Variants in MDGA2 observed in about 807,000 individuals in gnomAD.
The protein encoded by MDGA2 is MAM domain-containing glycosylphosphatidylinositol anchor protein 2.
A neutral mutation model predicts 117.8 loss-of-function variants in MDGA2; 40 were observed. That is an observed-to-expected ratio of 0.34 (90% CI 0.26 to 0.44). The LOEUF is 0.44. Ranked by LOEUF, MDGA2 falls within the 20% of genes least tolerant of loss-of-function variation. MDGA2 has a pLI of 1.00. For missense variants in MDGA2, 1,123 were observed against 1,250.6 expected (o/e 0.90, Z 1.54); for synonymous variants, 452 against 439.0 (o/e 1.03, Z -0.37).
chr14:47,187,513 A>G (rs983291059), intron 3 of MDGA2, among the ~76,000 whole-genome samples: 11 of 152,068 alleles, frequency 7.2e-5, no homozygotes, highest in African/African-American at 2.7e-4. Flanking sequence ...ATTTTCTTCA[A>G]TTTAATGCTT....
intron 14 of MDGA2, among the ~76,000 whole-genome samples, chr14:46,867,728 A>T (rs898126445): frequency 6.6e-6 from 1 of 152,014 alleles, no homozygotes; most frequent in African/African-American, 2.4e-5. Context: ...AACAAGTTTT[A>T]TATCTTTATC....
At chr14:47,243,231 T>C (rs1402166294) in intron 2 of MDGA2, among the ~76,000 whole-genome samples, 1 of 151,532 alleles carries the variant, frequency 6.6e-6, no homozygotes, top group African/African-American at 2.4e-5. Flanking sequence ...AAACTCTATC[T>C]AACTAATCTG....
At chr14:47,193,820 T>C (rs1178208888) in intron 3 of MDGA2, among the ~76,000 whole-genome samples, 2 of 152,178 alleles carry the variant, frequency 1.3e-5, no homozygotes, top group African/African-American at 2.4e-5. Context: ...CATTTGTCAC[T>C]TGTCATTTAT....
intron 1 of MDGA2, among the ~76,000 whole-genome samples, chr14:47,355,723 G>A (rs578129196): frequency 1.3e-5 from 2 of 152,186 alleles, no homozygotes; most frequent in South Asian, 2.1e-4. Flanking sequence ...CCAACCACCT[G>A]GGCCTTCCCC....
chr14:47,425,113 A>C (rs537727775), intron 1 of MDGA2, among the ~76,000 whole-genome samples: 2 of 152,308 alleles, frequency 1.3e-5, no homozygotes, highest in South Asian at 4.1e-4. Context: ...AATTTAGCTT[A>C]TCTGATAAGT....
Position 47,361,618 on chromosome 14 carries a change from T to C in MDGA2, c.281-60068A>G, listed in dbSNP as rs112168566. On this transcript the variant is annotated intron_variant, in intron 1 of 16. Coordinates refer to ENST00000399232, the MANE Select transcript of MDGA2 (RefSeq NM_001113498.3). The stretch of plus-strand genomic sequence containing the variant: ...CCCCTATGCCTTCAGATTTAAAGCA[T>C]GATTATTATCCAGTGCCTTCTAATG... 8.5e-4 allele frequency among the ~76,000 whole-genome samples: 129 copies of C among 152,246 alleles called. 1 individual carries two copies. Among genetic ancestry groups the C allele is most frequent in the African/African-American group, 2.6e-3 (107 of 41,518 alleles).
chr14:47,312,287 T>G (rs1009328853), intron 1 of MDGA2, among the ~76,000 whole-genome samples: 3 of 152,096 alleles, frequency 2.0e-5, no homozygotes, highest in Non-Finnish European at 2.9e-5. Flanking sequence ...CCAGGAACCT[T>G]CTTATATCTG....
At chr14:47,674,407 A>C (rs112056703) in intron 1 of MDGA2, 110 bp downstream of exon 1, 5 of 903,150 alleles carry the variant, frequency 5.5e-6, no homozygotes, top group African/African-American at 1.7e-5. Context: ...AGTGTAAATC[A>C]AATGCCACGC....
intron 1 of MDGA2, among the ~76,000 whole-genome samples, chr14:47,464,120 C>T (rs1023271217): frequency 3.3e-5 from 5 of 150,610 alleles, no homozygotes; most frequent in African/African-American, 1.2e-4. Flanking sequence ...CACACACACA[C>T]ACACACACAC....
chr14:47,184,949 CA>C (rs1220777808), intron 3 of MDGA2, among the ~76,000 whole-genome samples: 1 of 150,408 alleles, frequency 6.6e-6, no homozygotes, highest in African/African-American at 2.4e-5. Flanking sequence ...AAAACGAAAA[CA>C]AATAAATGGA....
rs536708458 is a variant in MDGA2, at chr14:47,231,766, G to A, written c.421-13571C>T. 1.5e-4 allele frequency among the ~76,000 whole-genome samples: 22 copies of A among 149,402 alleles called. No individual in the cohort carries two copies. The East Asian group carries it at 3.5e-3, about 24-fold the overall frequency. On this transcript the variant is annotated intron_variant, in intron 2 of 16. Coordinates refer to ENST00000399232, the MANE Select transcript of MDGA2 (RefSeq NM_001113498.3). The stretch of plus-strand genomic sequence containing the variant: ...ACCTTCGTGTTGGAAAAAAAAAAAA[G>A]GGAGAAGATGGAGAATTCAAAAGTT...
chr14:46,894,417 A>T (rs1038836559), intron 10 of MDGA2, among the ~76,000 whole-genome samples: 8 of 151,650 alleles, frequency 5.3e-5, no homozygotes, highest in South Asian at 2.1e-4. Flanking sequence ...AAATTTATAA[A>T]TTTTTTTTTC....
At chr14:47,650,324 C>T (rs1040644425) in intron 1 of MDGA2, among the ~76,000 whole-genome samples, 1 of 152,158 alleles carries the variant, frequency 6.6e-6, no homozygotes, top group Admixed American at 6.5e-5. Flanking sequence ...ATCATGTGAG[C>T]CAATTCCTTA....
At chr14:47,623,148 C>T (rs900313851) in intron 1 of MDGA2, among the ~76,000 whole-genome samples, 4 of 152,106 alleles carry the variant, frequency 2.6e-5, no homozygotes, top group Non-Finnish European at 4.4e-5. Context: ...CCTGATAAAA[C>T]GATGAGTTCA....
intron 6 of MDGA2, among the ~76,000 whole-genome samples, chr14:47,070,385 C>A (rs1594587739): frequency 6.6e-6 from 1 of 152,110 alleles, no homozygotes; most frequent in East Asian, 1.9e-4. Context: ...TAATCTGAAA[C>A]TCAAAAATGT....
At chr14:47,561,816 G>A (rs1176040844) in intron 1 of MDGA2, among the ~76,000 whole-genome samples, 1 of 152,098 alleles carries the variant, frequency 6.6e-6, no homozygotes, top group Admixed American at 6.5e-5. Flanking sequence ...GTTTTGAAGG[G>A]GAATATTTCT....
intron 3 of MDGA2, among the ~76,000 whole-genome samples, chr14:47,157,707 T>C (rs888267454): frequency 6.6e-6 from 1 of 151,612 alleles, no homozygotes; most frequent in Non-Finnish European, 1.5e-5. Context: ...AATCCCCATG[T>C]GTGGTGGGAG....
At chr14:47,175,451 A>G (rs374664247) in intron 3 of MDGA2, among the ~76,000 whole-genome samples, 1 of 148,984 alleles carries the variant, frequency 6.7e-6, no homozygotes, top group African/African-American at 2.5e-5. Context: ...CTTATCCACC[A>G]TGATCAAGTG....
chr14:47,607,603 G>A (rs893454312), intron 1 of MDGA2, among the ~76,000 whole-genome samples: 2 of 152,104 alleles, frequency 1.3e-5, no homozygotes, highest in Admixed American at 1.3e-4. Flanking sequence ...TCAATGAGCT[G>A]AATTTTGAGG....
Sources: allele counts gnomAD v4.1 joint callset (sites outside exome capture counted in the v4.1 genomes callset), GRCh38; gene constraint gnomAD v4.1.1; transcripts MANE v1.5; gene names NCBI Gene and HGNC (gene_info 2026-07-23, HGNC 2026-07-21).